Variants in SEMA5A observed in about 807,000 individuals in gnomAD.
SEMA5A encodes semaphorin 5A.
A neutral mutation model predicts 135.5 loss-of-function variants in SEMA5A; 55 were observed. The ratio of observed to expected loss-of-function variants is 0.41; its 90% CI spans 0.33 to 0.51. The LOEUF (loss-of-function observed/expected upper bound fraction) is 0.51. SEMA5A is among the 20% of genes least tolerant of loss of function. The pLI is 0.37. For synonymous variants in SEMA5A, 580 were observed against 546.5 expected (o/e 1.06, Z -0.85); for missense variants, 1,290 against 1,419.9 (o/e 0.91, Z 1.47).
intron 2 of SEMA5A, among the ~76,000 whole-genome samples, chr5:9,413,743 G>A (rs1397192830): frequency 6.6e-6 from 1 of 152,152 alleles, no homozygotes; most frequent in African/African-American, 2.4e-5. Flanking sequence ...CAGATATTAT[G>A]TGACAATGTT....
intron 5 of SEMA5A, among the ~76,000 whole-genome samples, chr5:9,294,191 T>C (rs975960152): frequency 2.0e-5 from 3 of 152,150 alleles, no homozygotes; most frequent in African/African-American, 7.2e-5. Context: ...TTCCGGTACA[T>C]CGTCACCTCC....
intron 16 of SEMA5A, among the ~76,000 whole-genome samples, chr5:9,089,202 C>T (rs1424561502): frequency 6.6e-6 from 1 of 152,148 alleles, no homozygotes; most frequent in Non-Finnish European, 1.5e-5. Context: ...AAGGATCAAA[C>T]CTCACAGCAC....
intron 1 of SEMA5A, chr5:9,517,758 G>A (rs986174410): frequency 8.5e-5 from 13 of 152,130 alleles, no homozygotes; most frequent in Non-Finnish European, 1.9e-4. Flanking sequence ...AGAAAATAAT[G>A]TCACAAAAGC....
At chr5:9,439,671 A>T (rs1758162453) in intron 1 of SEMA5A, among the ~76,000 whole-genome samples, 1 of 152,240 alleles carries the variant, frequency 6.6e-6, no homozygotes, top group African/African-American at 2.4e-5. Context: ...TCATTGCAAG[A>T]ATTCACAATC....
chr5:9,086,100 C>A (rs968867814), intron 16 of SEMA5A, among the ~76,000 whole-genome samples: 1 of 152,202 alleles, frequency 6.6e-6, no homozygotes. Context: ...TAGGAAGCAA[C>A]TAATTTCCTT....
intron 18 of SEMA5A, among the ~76,000 whole-genome samples, chr5:9,062,686 C>A (rs948329859): frequency 2.6e-5 from 4 of 152,130 alleles, no homozygotes; most frequent in Non-Finnish European, 4.4e-5. Flanking sequence ...GCCTTGAGTT[C>A]TTAGGCTCAA....
At chr5:9,060,121 C>G (rs1333596438) in intron 18 of SEMA5A, among the ~76,000 whole-genome samples, 1 of 152,146 alleles carries the variant, frequency 6.6e-6, no homozygotes, top group Non-Finnish European at 1.5e-5. Context: ...CACCACTCAG[C>G]CCTGACTCAC....
intron 1 of SEMA5A, among the ~76,000 whole-genome samples, chr5:9,534,061 C>T (rs1262522084): frequency 6.6e-6 from 1 of 152,214 alleles, no homozygotes; most frequent in Non-Finnish European, 1.5e-5. Flanking sequence ...GCAGCTTTCC[C>T]TAACCTGCTT....
At chr5:9,109,541 T>A (rs972121727) in intron 15 of SEMA5A, among the ~76,000 whole-genome samples, 2 of 152,218 alleles carry the variant, frequency 1.3e-5, no homozygotes, top group East Asian at 1.9e-4. Flanking sequence ...CAAATTTACC[T>A]TCTAGAGAAT....
chr5:9,513,728 G>C (rs1219994554), intron 1 of SEMA5A, among the ~76,000 whole-genome samples: 2 of 152,102 alleles, frequency 1.3e-5, no homozygotes, highest in Admixed American at 1.3e-4. Flanking sequence ...GTCGACTTCA[G>C]AATATTTTTA....
intron 5 of SEMA5A, among the ~76,000 whole-genome samples, chr5:9,270,382 G>T (rs1749909550): frequency 6.6e-6 from 1 of 151,962 alleles, no homozygotes; most frequent in African/African-American, 2.4e-5. Flanking sequence ...TTGAGTCCCG[G>T]AGAATTATTG....
chr5:9,291,029 T>A (rs778261891), intron 5 of SEMA5A, among the ~76,000 whole-genome samples: 6 of 152,198 alleles, frequency 3.9e-5, no homozygotes, highest in Non-Finnish European at 7.3e-5. Flanking sequence ...TACATTTTAA[T>A]ATTAGTACAT....
chr5:9,448,154 C>G (rs1758501317), intron 1 of SEMA5A, among the ~76,000 whole-genome samples: 1 of 152,208 alleles, frequency 6.6e-6, no homozygotes, highest in Admixed American at 6.5e-5. Flanking sequence ...GTGTCCTCCT[C>G]TTTACTTTTG....
chr5:9,506,335 A>C lies in SEMA5A; in HGVS notation c.-175+39249T>G, dbSNP rs185679157. ...ATGTATTAATACATGAAGATCTAAT[A>C]AGATATTAAACAGCTCTAATGTTCA... On this transcript the variant is annotated intron_variant, in intron 1 of 22. Coordinates refer to ENST00000382496, the MANE Select transcript of SEMA5A (RefSeq NM_003966.3). Among the ~76,000 whole-genome samples the C allele has an allele frequency of 3.3e-3, 498 of 152,310 alleles. 2 individuals carry two copies. The South Asian group carries it at 0.042, about 13-fold the overall frequency.
At chr5:9,397,331 C>G (rs1268794086) in intron 2 of SEMA5A, among the ~76,000 whole-genome samples, 1 of 152,230 alleles carries the variant, frequency 6.6e-6, no homozygotes, top group East Asian at 1.9e-4. Context: ...CTGCACCTAT[C>G]AGTGCCAGGT....
At chr5:9,447,554 G>A (rs1758479820) in intron 1 of SEMA5A, among the ~76,000 whole-genome samples, 1 of 152,188 alleles carries the variant, frequency 6.6e-6, no homozygotes. Flanking sequence ...CGGCATGCAG[G>A]CAACTTGCTC....
intron 5 of SEMA5A, among the ~76,000 whole-genome samples, chr5:9,255,769 C>T (rs924897183): frequency 1.3e-5 from 2 of 152,144 alleles, no homozygotes; most frequent in Non-Finnish European, 2.9e-5. Flanking sequence ...GTACAACACA[C>T]CTGCATTCCT....
intron 2 of SEMA5A, among the ~76,000 whole-genome samples, chr5:9,413,409 A>G (rs902920185): frequency 6.6e-6 from 1 of 152,196 alleles, no homozygotes; most frequent in African/African-American, 2.4e-5. Context: ...GGCAAAGAGC[A>G]TCCAAGGCTT....
intron 21 of SEMA5A, among the ~76,000 whole-genome samples, chr5:9,044,842 T>C (rs1206798497): frequency 6.6e-6 from 1 of 152,124 alleles, no homozygotes; most frequent in African/African-American, 2.4e-5. Context: ...TGGAGTGCAA[T>C]GGCATGATCT....
Sources: allele counts gnomAD v4.1 joint callset (sites outside exome capture counted in the v4.1 genomes callset), GRCh38; gene constraint gnomAD v4.1.1; transcripts MANE v1.5; gene names NCBI Gene and HGNC (gene_info 2026-07-23, HGNC 2026-07-21).